MAPK4: variants seen among roughly 807,000 people sequenced by gnomAD.
The protein encoded by MAPK4 is mitogen-activated protein kinase 4.
Under a neutral mutation model 47.7 loss-of-function variants are expected in MAPK4, and 22 were observed. That is an observed-to-expected ratio of 0.46 (90% CI 0.33 to 0.66). MAPK4 has a LOEUF of 0.66. MAPK4 is among the 30% of genes least tolerant of loss of function. The probability of loss-of-function intolerance (pLI) is 0.02; values close to 1 mark genes in which losing one functional copy is unlikely to be tolerated. For missense variants in MAPK4, 736 were observed against 831.7 expected (o/e 0.88, Z 1.42); for synonymous variants, 390 against 365.7 (o/e 1.07, Z -0.76).
intron 2 of MAPK4, among the ~76,000 whole-genome samples, chr18:50,674,921 A>G (rs1390887113): frequency 2.0e-5 from 3 of 152,196 alleles, no homozygotes; most frequent in African/African-American, 7.2e-5. Context: ...ATGGTCTTCA[A>G]GCATAAATTC....
intron 2 of MAPK4, among the ~76,000 whole-genome samples, chr18:50,714,804 T>C (rs1035682741): frequency 1.3e-5 from 2 of 152,174 alleles, no homozygotes; most frequent in Non-Finnish European, 2.9e-5. Context: ...AATCATTTCT[T>C]CTAAAATATT....
At chr18:50,702,147 G>C (rs1909823767) in intron 2 of MAPK4, among the ~76,000 whole-genome samples, 1 of 111,502 alleles carries the variant, frequency 9.0e-6, no homozygotes. Context: ...GGGTGATGGA[G>C]AGAGATTCTG....
Position 50,716,487 on chromosome 18 carries a change from C to T in MAPK4, c.691+1264C>T, listed in dbSNP as rs61270589. Among the ~76,000 whole-genome samples, 454 of 152,294 alleles carry T rather than the reference C, an allele frequency of 3.0e-3. 1 individual carries two copies. Among genetic ancestry groups the T allele is most frequent in the African/African-American group, 0.01 (423 of 41,566 alleles). On this transcript the variant is annotated intron_variant, in intron 3 of 5. Coordinates refer to ENST00000400384, the MANE Select transcript of MAPK4 (RefSeq NM_002747.4). ...GTCACTTACTCAAAGAATTTTCATC[C>T]ATCCCCTCCACCCAGGCTAACTTTG...
chr18:50,665,630 G>A (rs568567140), intron 2 of MAPK4, among the ~76,000 whole-genome samples: 1 of 152,192 alleles, frequency 6.6e-6, no homozygotes, highest in Non-Finnish European at 1.5e-5. Context: ...GCCCTCTACA[G>A]CTGCAGTGCA....
chr18:50,723,651 C>T lies in MAPK4; in HGVS notation c.853+1552C>T, dbSNP rs548680600. ...GCCGAGGCGGGCAGACCTCTTGAGC[C>T]CAGGAGTTTCAGGCCAGCCTGGGCA... On this transcript the variant is annotated intron_variant, in intron 4 of 5. Transcript: ENST00000400384. Among the ~76,000 whole-genome samples, 141 of 152,206 alleles carry T rather than the reference C, an allele frequency of 9.3e-4. 1 individual carries two copies. The highest frequency in any genetic ancestry group is 3.2e-3 in the African/African-American group (134 of 41,518).
chr18:50,688,889 TAAAAA>T (rs35330620), intron 2 of MAPK4, among the ~76,000 whole-genome samples: 23 of 115,894 alleles, frequency 2.0e-4, no homozygotes, highest in African/African-American at 5.6e-4. Flanking sequence ...CCTATGGAAA[TAAAAA>T]AAAAAAAAAA....
chr18:50,671,245 C>T (rs1042799824), intron 2 of MAPK4, among the ~76,000 whole-genome samples: 1 of 152,092 alleles, frequency 6.6e-6, no homozygotes, highest in Non-Finnish European at 1.5e-5. Flanking sequence ...CCCCATGGCA[C>T]GAGTTTACTG....
intron 1 of MAPK4, among the ~76,000 whole-genome samples, chr18:50,611,921 C>T (rs922964751): frequency 2.0e-5 from 3 of 152,188 alleles, no homozygotes; most frequent in African/African-American, 7.2e-5. Context: ...CTCAGGCACA[C>T]TCCATAATCT....
intron 1 of MAPK4, among the ~76,000 whole-genome samples, chr18:50,575,522 G>A (rs2042287159): frequency 6.6e-6 from 1 of 151,898 alleles, no homozygotes; most frequent in Admixed American, 6.6e-5. Context: ...GTCACCCAAA[G>A]GAGAGACAGC....
chr18:50,682,163 T>G (rs930175267), intron 2 of MAPK4, among the ~76,000 whole-genome samples: 1 of 152,182 alleles, frequency 6.6e-6, no homozygotes, highest in Non-Finnish European at 1.5e-5. Flanking sequence ...ATGATTGTAT[T>G]ACCTTGTGAA....
intron 2 of MAPK4, among the ~76,000 whole-genome samples, chr18:50,684,687 C>A (rs989012037): frequency 1.1e-4 from 17 of 152,158 alleles, no homozygotes; most frequent in Non-Finnish European, 1.0e-4. Context: ...AGCTGCCACC[C>A]TCAGAGAGCA....
upstream of MAPK4, among the ~76,000 whole-genome samples, chr18:50,559,689 C>G (rs535409132): frequency 2.0e-5 from 3 of 151,728 alleles, no homozygotes; most frequent in East Asian, 5.9e-4. Context: ...AGGCAGATCC[C>G]CGCTTCCCGC....
In MAPK4 at chr18:50,567,922, C is replaced by T. The variant is rs184329252; in HGVS notation, c.-871+7679C>T. Among the ~76,000 whole-genome samples the T allele has an allele frequency of 8.8e-3, 1,340 of 152,042 alleles. 13 individuals carry two copies. Among genetic ancestry groups the T allele is most frequent in the Non-Finnish European group, 0.014 (918 of 67,980 alleles). ...CATTTTATAAAGAATTCCGGCTGGG[C>T]GCAGTGGCTCACGCCTGTAATCCCA... On this transcript the variant is annotated intron_variant, in intron 1 of 5. Coordinates refer to ENST00000400384, the MANE Select transcript of MAPK4 (RefSeq NM_002747.4).
intron 2 of MAPK4, among the ~76,000 whole-genome samples, chr18:50,706,507 T>G (rs2144402552): frequency 6.6e-6 from 1 of 151,770 alleles, no homozygotes; most frequent in South Asian, 2.1e-4. Context: ...GTAGCAGGTC[T>G]GAGAGCCCGT....
intron 1 of MAPK4, among the ~76,000 whole-genome samples, chr18:50,596,657 A>G (rs1050640035): frequency 1.3e-5 from 2 of 152,232 alleles, no homozygotes; most frequent in Admixed American, 6.5e-5. Flanking sequence ...ATGCTATTCT[A>G]TGTATCCACC....
intron 1 of MAPK4, among the ~76,000 whole-genome samples, chr18:50,647,147 GTGCTT>G (rs1202361844): frequency 6.6e-6 from 1 of 152,210 alleles, no homozygotes; most frequent in Non-Finnish European, 1.5e-5. Flanking sequence ...CTACATGCAA[GTGCTT>G]TGGACAGTGA....
chr18:50,606,398 T>C (rs1277221103), intron 1 of MAPK4, among the ~76,000 whole-genome samples: 1 of 150,984 alleles, frequency 6.6e-6, no homozygotes, highest in Non-Finnish European at 1.5e-5. Flanking sequence ...CTGTTCAAAG[T>C]AGTGCTTGAG....
rs372184171 is a variant in MAPK4, at chr18:50,588,192, G to A, written c.-871+27949G>A. Among the ~76,000 whole-genome samples the A allele has an allele frequency of 9.2e-5, 14 of 152,264 alleles. 1 individual carries two copies. In the East Asian group the frequency reaches 9.6e-4, roughly 10 times the overall value. ...TAATTTGGGCAGTGCTGGGAAGGGC[G>A]ATTCTTCCGCTCCATGTGGCATCAA... On this transcript the variant is annotated intron_variant, in intron 1 of 5. Transcript: ENST00000400384.
intron 2 of MAPK4, among the ~76,000 whole-genome samples, chr18:50,710,735 G>T (rs1910310250): frequency 6.6e-6 from 1 of 152,068 alleles, no homozygotes; most frequent in African/African-American, 2.4e-5. Flanking sequence ...AGCAGAGATA[G>T]CGCCACTGCA....
Sources: gnomAD v4.1 joint callset for allele counts (sites outside exome capture counted in the v4.1 genomes callset) on GRCh38, gnomAD v4.1.1 for gene constraint, MANE v1.5 for transcripts, NCBI Gene and HGNC (gene_info 2026-07-23, HGNC 2026-07-21) for gene names.